Variants in ATRX observed in about 807,000 individuals in gnomAD.
ATRX encodes the protein chromatin remodeler ATRX.
Under a neutral mutation model 172.6 loss-of-function variants are expected in ATRX, and 12 were observed. The ratio of observed to expected loss-of-function variants is 0.07; its 90% CI spans 0.04 to 0.11. The LOEUF (loss-of-function observed/expected upper bound fraction) is 0.11. ATRX is among the 10% of genes least tolerant of loss of function. ATRX has a pLI of 1.00. For missense variants in ATRX, 1,368 were observed against 1,767.4 expected (o/e 0.77, Z 4.05); for synonymous variants, 674 against 594.7 (o/e 1.13, Z -1.94).
chrX:77,748,816 A>T (rs1557186254), intron 1 of ATRX, among the ~76,000 whole-genome samples: 1 of 110,624 alleles, frequency 9.0e-6, no homozygotes, highest in Non-Finnish European at 1.9e-5. Flanking sequence ...CGAACTCCTG[A>T]CCTCAGGTGA....
chrX:77,762,186 C>T (rs1557193123), intron 1 of ATRX, among the ~76,000 whole-genome samples: 1 of 107,964 alleles, frequency 9.3e-6, no homozygotes, highest in African/African-American at 3.4e-5. Context: ...CGCCTGTAGT[C>T]GCAGCTACTC....
At chrX:77,743,117 C>T (rs1303473281) in intron 1 of ATRX, among the ~76,000 whole-genome samples, 12 of 110,824 alleles carry the variant, frequency 1.1e-4, no homozygotes, top group African/African-American at 3.0e-4. Context: ...GATTTGAGCA[C>T]GATTAATTGC....
chrX:77,658,242 T>C (rs782595828), intron 12 of ATRX, among the ~76,000 whole-genome samples: 14 of 112,331 alleles, frequency 1.2e-4, no homozygotes, highest in African/African-American at 4.5e-4. Flanking sequence ...TCATCTATTC[T>C]TGATATCATG....
intron 6 of ATRX, 75 bp downstream of exon 6, chrX:77,693,749 A>G: frequency 1.2e-6 from 1 of 804,723 alleles, no homozygotes; most frequent in Non-Finnish European, 1.9e-6. Context: ...AGGTATTTTT[A>G]GTAAGCACAT....
chrX:77,650,670 T>C (rs2069169599), intron 15 of ATRX, among the ~76,000 whole-genome samples: 1 of 110,695 alleles, frequency 9.0e-6, no homozygotes, highest in Admixed American at 9.6e-5. Context: ...CTGCAAGCTC[T>C]GCCTCCCAGG....
intron 1 of ATRX, among the ~76,000 whole-genome samples, chrX:77,763,119 TTA>T (rs1345435196): frequency 3.7e-5 from 4 of 107,617 alleles, no homozygotes; most frequent in African/African-American, 3.4e-5. Context: ...TTTCGTTATT[TTA>T]TATATATATA....
chrX:77,594,148 G>A (rs1478357125), intron 25 of ATRX: 1 of 195,762 alleles, frequency 5.1e-6, no homozygotes, highest in East Asian at 1.0e-4. Flanking sequence ...CCTCGGGGTA[G>A]GAGTGGAGCT....
At chrX:77,771,767 G>C (rs782261976) in intron 1 of ATRX, among the ~76,000 whole-genome samples, 7 of 111,488 alleles carry the variant, frequency 6.3e-5, no homozygotes, top group Non-Finnish European at 1.3e-4. Context: ...CTATTATCTA[G>C]AAAAGTGGTT....
intron 5 of ATRX, among the ~76,000 whole-genome samples, chrX:77,694,164 G>A (rs1482060888): frequency 9.0e-6 from 1 of 111,705 alleles, no homozygotes; most frequent in Non-Finnish European, 1.9e-5. Context: ...AGGAAAGGGA[G>A]GTATTATGGA....
At position 77,681,636 on chromosome X, in the gene ATRX, T is replaced by C. The variant is rs1557137018; in HGVS notation, c.3620A>G (p.Asp1207Gly). 8.3e-7 allele frequency: 1 copy of C among 1,206,773 alleles called. No individual in the cohort carries two copies. The highest frequency in any genetic ancestry group is 2.2e-5 in the Admixed American group (1 of 45,466). ...AGAATTCTGATCATCATCTTCTATATCAGAAGAAGATGAGGATGTAATGTC... is the reference window on the plus strand; with the variant it reads ...AGAATTCTGATCATCATCTTCTATACCAGAAGAAGATGAGGATGTAATGTC... ...QADITSSSSS[D>G]IEDDDQNSIG... Residue 1207 changes from aspartate (D) to glycine (G), a missense_variant, in exon 9 of 35, where the codon GAT (aspartate) becomes GGT (glycine). Around this residue, in one of 17 missense-constraint regions of ATRX, gnomAD observed 843 missense variants for 643.1 expected, o/e 1.31. Transcript: ENST00000373344.
chrX:77,661,222 A>G (rs1377984229), intron 12 of ATRX, among the ~76,000 whole-genome samples: 2 of 112,166 alleles, frequency 1.8e-5, no homozygotes, highest in Non-Finnish European at 3.8e-5. Flanking sequence ...TTCTTTGTAC[A>G]TACATTTCAA....
intron 1 of ATRX, among the ~76,000 whole-genome samples, chrX:77,750,163 G>C (rs2075243276): frequency 1.8e-5 from 2 of 111,320 alleles, no homozygotes; most frequent in Admixed American, 9.6e-5. Flanking sequence ...TTTTATTATA[G>C]TTATTGTCAG....
intron 22 of ATRX, among the ~76,000 whole-genome samples, chrX:77,606,738 C>A (rs1311094113): frequency 4.3e-5 from 3 of 69,782 alleles, no homozygotes; most frequent in Non-Finnish European, 7.4e-5. Flanking sequence ...GCCTGGGCAA[C>A]ATAGAGACCT....
intron 12 of ATRX, among the ~76,000 whole-genome samples, chrX:77,659,997 A>G (rs1182336143): frequency 8.9e-6 from 1 of 112,045 alleles, no homozygotes; most frequent in Non-Finnish European, 1.9e-5. Flanking sequence ...CACAAACAAA[A>G]AACAACAACA....
rs924600236 is a variant in ATRX at position 77,739,687 on chromosome X, A to G, written c.21-22444T>C. Among the ~76,000 whole-genome samples the G allele has an allele frequency of 8.1e-5, 9 of 110,776 alleles. No homozygotes were observed. The South Asian group carries it at 3.4e-3, about 42-fold the overall frequency. On this transcript the variant is annotated intron_variant, in intron 1 of 34. Transcript: ENST00000373344. ...AAGGTATTTCACAAGAATTTCCAAC[A>G]AAGGAGAACATCAAAAATAAGCCCA...
chrX:77,664,153 G>A (rs1232818691), intron 11 of ATRX, among the ~76,000 whole-genome samples: 1 of 111,220 alleles, frequency 9.0e-6, no homozygotes, highest in Admixed American at 9.5e-5. Flanking sequence ...CAAAATTAGA[G>A]TAACTTCCAT....
chrX:77,571,126 G>C (rs1017715317), intron 28 of ATRX, among the ~76,000 whole-genome samples: 3 of 111,746 alleles, frequency 2.7e-5, no homozygotes, highest in Non-Finnish European at 5.6e-5. Context: ...CTATAAAATG[G>C]TACAGCCATT....
chrX:77,517,996 A>AC (rs1225865359), intron 34 of ATRX, among the ~76,000 whole-genome samples: 51 of 112,049 alleles, frequency 4.6e-4, no homozygotes, highest in South Asian at 3.0e-3. Context: ...TCCTCAAAAT[A>AC]CGGTTATAGA....
chrX:77,785,650 A>G (rs1437886144), intron 1 of ATRX, among the ~76,000 whole-genome samples: 2 of 100,239 alleles, frequency 2.0e-5, no homozygotes, highest in Non-Finnish European at 4.0e-5. Flanking sequence ...GATACCAAAG[A>G]CCGCCTCCGA....
Sources: allele counts gnomAD v4.1 joint callset (sites outside exome capture counted in the v4.1 genomes callset), GRCh38; gene constraint gnomAD v4.1.1; regional missense constraint gnomAD v4.1.1; transcripts MANE v1.5; gene names NCBI Gene and HGNC (gene_info 2026-07-23, HGNC 2026-07-21).